The following KAT2B variants were observed in gnomAD, a reference collection of about 807,000 sequenced individuals.
KAT2B encodes histone acetyltransferase KAT2B.
In KAT2B, 36 loss-of-function variants were observed where a neutral mutation model predicts 105.9. The observed-to-expected ratio is 0.34, with a 90% CI of 0.26 to 0.45. The LOEUF (loss-of-function observed/expected upper bound fraction) is 0.45, where lower values mean the gene tolerates loss of function less well. Ranked by LOEUF, KAT2B falls within the 20% of genes least tolerant of loss-of-function variation. KAT2B has a pLI of 1.00. For synonymous variants in KAT2B, 397 were observed against 377.9 expected (o/e 1.05, Z -0.59); for missense variants, 820 against 1,021.6 (o/e 0.80, Z 2.69).
intron 1 of KAT2B, among the ~76,000 whole-genome samples, chr3:20,045,744 A>C (rs1233477835): frequency 6.6e-6 from 1 of 152,192 alleles, no homozygotes; most frequent in Non-Finnish European, 1.5e-5. Flanking sequence ...ATCTGAATTC[A>C]AATTTTGGGA....
At chr3:20,041,751 C>G (rs1697723947) in intron 1 of KAT2B, among the ~76,000 whole-genome samples, 1 of 152,214 alleles carries the variant, frequency 6.6e-6, no homozygotes. Flanking sequence ...CTCACACACA[C>G]TCACACCTCC....
At chr3:20,075,547 T>G (rs4858757) in intron 2 of KAT2B, among the ~76,000 whole-genome samples, 66,335 of 151,914 alleles carry the variant, frequency 0.44, 14,620 homozygotes, top group South Asian at 0.53. Flanking sequence ...GCTTCTGACC[T>G]ACCGGCTATA....
At chr3:20,135,544 T>C (rs1699585950) in intron 11 of KAT2B, among the ~76,000 whole-genome samples, 2 of 151,936 alleles carry the variant, frequency 1.3e-5, no homozygotes, top group African/African-American at 4.8e-5. Flanking sequence ...GTCCCAGTTA[T>C]TCGGGAGGCT....
intron 2 of KAT2B, among the ~76,000 whole-genome samples, chr3:20,080,870 ATATAT>A (rs1698506588): frequency 6.6e-6 from 1 of 152,244 alleles, no homozygotes. Context: ...GTTAAATAAA[ATATAT>A]TATTTAATGA....
intron 1 of KAT2B, among the ~76,000 whole-genome samples, chr3:20,051,067 G>A (rs898734223): frequency 6.6e-5 from 10 of 151,844 alleles, no homozygotes; most frequent in African/African-American, 2.4e-4. Flanking sequence ...GGGCATGGTG[G>A]CACACACCTG....
intron 1 of KAT2B, among the ~76,000 whole-genome samples, 177 bp from the exon 2 acceptor site, chr3:20,072,156 A>G (rs554309459): frequency 2.9e-4 from 44 of 152,314 alleles, no homozygotes; most frequent in African/African-American, 1.1e-3. Context: ...AAAGCAAAGC[A>G]CTCAAATCAA....
At chr3:20,040,946 T>G (rs1394929075) in intron 1 of KAT2B, among the ~76,000 whole-genome samples, 166 bp downstream of exon 1, 5 of 152,256 alleles carry the variant, frequency 3.3e-5, no homozygotes, top group Admixed American at 6.5e-5. Flanking sequence ...CCAATTAGCT[T>G]CTTCTTGGAT....
chr3:20,138,292 GT>G (rs1475261403), intron 12 of KAT2B, among the ~76,000 whole-genome samples: 1 of 151,910 alleles, frequency 6.6e-6, no homozygotes, highest in African/African-American at 2.4e-5. Flanking sequence ...TATTTTTTCT[GT>G]GTGTATATAA....
chr3:20,091,803 A>G (rs1011576617), intron 2 of KAT2B, among the ~76,000 whole-genome samples: 10 of 152,158 alleles, frequency 6.6e-5, no homozygotes, highest in African/African-American at 1.9e-4. Flanking sequence ...AAATTTTCCA[A>G]AATTCCTCCT....
chr3:20,055,317 A>C (rs1025568857), intron 1 of KAT2B, among the ~76,000 whole-genome samples: 2 of 152,164 alleles, frequency 1.3e-5, no homozygotes, highest in African/African-American at 2.4e-5. Context: ...GTGTTGATTT[A>C]GATGCTGGTG....
chr3:20,094,963 A>G (rs1698783095), intron 2 of KAT2B, among the ~76,000 whole-genome samples: 1 of 152,168 alleles, frequency 6.6e-6, no homozygotes, highest in Non-Finnish European at 1.5e-5. Context: ...CCCTATTAGG[A>G]CCAGTCTTGA....
At position 20,075,032 on chromosome 3, in the gene KAT2B, GAGGCTGGCAGATCACA is replaced by G. The variant is rs1698392853; in HGVS notation, c.430+2577_430+2592del. On this transcript the variant is annotated intron_variant, in intron 2 of 17. Coordinates refer to ENST00000263754, the MANE Select transcript of KAT2B (RefSeq NM_003884.5). ...TGTAATTCCAGCACTTTGGGAGGCCGAGGCTGGCAGATCACAAGGTCAGGAGTTCGAGACCAGCCTG... is the reference window on the plus strand; with the variant it reads ...TGTAATTCCAGCACTTTGGGAGGCCGAGGTCAGGAGTTCGAGACCAGCCTG... 4.6e-5 allele frequency among the ~76,000 whole-genome samples: 7 copies of G among 152,148 alleles called. No homozygotes were observed. The South Asian group carries it at 1.4e-3, about 31-fold the overall frequency.
At chr3:20,146,636 G>A in intron 14 of KAT2B, 1 of 413,152 alleles carries the variant, frequency 2.4e-6, no homozygotes, top group South Asian at 3.8e-5. Context: ...GAGCTTAGAT[G>A]CCCCCTTGTA....
chr3:20,152,440 CT>C lies in KAT2B; in HGVS notation c.2415del (p.Glu806ArgfsTer24). 1 of 1,613,456 alleles carries C rather than the reference CT, an allele frequency of 6.2e-7. No homozygotes were observed. The highest frequency in any genetic ancestry group is 8.5e-7 in the Non-Finnish European group (1 of 1,179,508). On this transcript the variant is annotated frameshift_variant, in exon 18 of 18. Coordinates refer to ENST00000263754, the MANE Select transcript of KAT2B (RefSeq NM_003884.5). LOFTEE classifies it high-confidence loss of function. ...ACCAATTGCAAAGAGTACAACCCCC[CT>C]GAGAGTGAATACTACAAATGTGCCA... is the stretch of plus-strand genomic sequence containing the variant. ...VFTNCKEYNP[P>X]ESEYYKCANI...
rs149949115 is a variant in KAT2B at position 20,099,759 on chromosome 3, AAGAGAG to A, written c.577-91_577-86del. 1.2e-5 allele frequency: 7 copies of A among 563,064 alleles called. No individual in the cohort carries two copies. In the East Asian group the frequency reaches 1.7e-4, roughly 14 times the overall value. The allele number at this position is 563,064 out of a possible 1,614,324, so 34.9% of individuals were successfully genotyped here. A position where few individuals can be genotyped will look rare whatever the true frequency, so the allele number is the denominator to read the frequency against. On this transcript the variant is annotated intron_variant, in intron 3 of 17. Transcript: ENST00000263754. ...CTTTAAAGGCTGTGTGTGTGTGTGT[AAGAGAG>A]AGAGAGAGAGACAGACAGAAACAGA...
intron 3 of KAT2B, among the ~76,000 whole-genome samples, chr3:20,099,068 G>A (rs1198613805): frequency 6.6e-6 from 1 of 152,220 alleles, no homozygotes; most frequent in Non-Finnish European, 1.5e-5. Flanking sequence ...AGCAAAGATC[G>A]AAGGTAAAGA....
intron 5 of KAT2B, among the ~76,000 whole-genome samples, chr3:20,106,557 G>A (rs577816752): frequency 3.9e-5 from 6 of 152,168 alleles, no homozygotes; most frequent in Non-Finnish European, 8.8e-5. Context: ...ATTAATCTTG[G>A]AAGTTAAGAA....
At chr3:20,084,009 A>G (rs1698568456) in intron 2 of KAT2B, among the ~76,000 whole-genome samples, 1 of 152,174 alleles carries the variant, frequency 6.6e-6, no homozygotes, top group African/African-American at 2.4e-5. Context: ...GAGAACAGAA[A>G]GTTCAGCGCT....
intron 11 of KAT2B, among the ~76,000 whole-genome samples, chr3:20,134,496 A>G (rs1477380839): frequency 6.6e-6 from 1 of 151,538 alleles, no homozygotes; most frequent in African/African-American, 2.4e-5. Context: ...GCAACCTCCG[A>G]CTCCCTGGTT....
Sources: gnomAD v4.1 joint callset for allele counts (sites outside exome capture counted in the v4.1 genomes callset) on GRCh38, gnomAD v4.1.1 for gene constraint, MANE v1.5 for transcripts, NCBI Gene and HGNC (gene_info 2026-07-23, HGNC 2026-07-21) for gene names.